Variants in APPL2 observed in about 807,000 individuals in gnomAD.
APPL2 encodes adaptor protein, phosphotyrosine interacting with PH domain and leucine zipper 2.
In APPL2, 84 loss-of-function variants were observed where a neutral mutation model predicts 92.7. The ratio of observed to expected loss-of-function variants is 0.91; its 90% CI spans 0.76 to 1.09. The LOEUF (loss-of-function observed/expected upper bound fraction) is 1.09. Among genes scored for constraint, APPL2 ranks in the 50% least tolerant of loss-of-function variants. APPL2 has a pLI of 0.00. For synonymous variants in APPL2, 291 were observed against 291.0 expected (o/e 1.00, Z 0.00); for missense variants, 736 against 824.5 (o/e 0.89, Z 1.31).
chr12:105,188,401 CA>C lies in APPL2; in HGVS notation c.1505del (p.Met502ArgfsTer11), dbSNP rs1455169774. 3 of 1,614,024 alleles carry C rather than the reference CA, an allele frequency of 1.9e-6. No homozygotes were observed. The African/African-American group carries it at 4.0e-5, about 22-fold the overall frequency. ...QMFIVRFLGS[M>X]AVKTDSTTEV... ...CAGTAGTGCTGTCTGTTTTAACTGC[CA>C]TTGATCCCAAAAACCGAACTATAAA... is the stretch of plus-strand genomic sequence containing the variant. On this transcript the variant is annotated frameshift_variant, in exon 17 of 21. Coordinates refer to ENST00000258530, the MANE Select transcript of APPL2 (RefSeq NM_018171.5). LOFTEE classifies it high-confidence loss of function.
At chr12:105,235,273 CCA>C (rs1028997551) in intron 1 of APPL2, 6 of 152,192 alleles carry the variant, frequency 3.9e-5, no homozygotes, top group African/African-American at 1.2e-4. Flanking sequence ...TATTTACACA[CCA>C]GTTTTCATCT....
chr12:105,225,940 C>T (rs909945247), intron 2 of APPL2, among the ~76,000 whole-genome samples: 6 of 151,742 alleles, frequency 4.0e-5, no homozygotes, highest in African/African-American at 1.5e-4. Flanking sequence ...GAACACTTAT[C>T]ATTTATCAGC....
Position 105,176,915 on chromosome 12 carries a change from C to G in APPL2, c.1773G>C (p.Leu591=). Residue 591 remains leucine (L), a synonymous_variant, in exon 19 of 21, where the codon CTG becomes CTC. Coordinates refer to ENST00000258530, the MANE Select transcript of APPL2 (RefSeq NM_018171.5). ...AGTTGCTTTCAAAAATGTATGTACT[C>G]AGAGATTCTTCTCCAGTGGATTCAG... ...RVPESTGEES[L]STYIFESNSE... 1 of 1,614,080 alleles carries G rather than the reference C, an allele frequency of 6.2e-7. No individual in the cohort carries two copies. Among genetic ancestry groups the G allele is most frequent in the South Asian group, 1.1e-5 (1 of 91,074 alleles).
At chr12:105,225,154 A>T (rs910234992) in intron 2 of APPL2, among the ~76,000 whole-genome samples, 1 of 93,220 alleles carries the variant, frequency 1.1e-5, no homozygotes, top group Non-Finnish European at 2.4e-5. Flanking sequence ...AAATTTACTT[A>T]AAAAAAAAAA....
intron 1 of APPL2, among the ~76,000 whole-genome samples, chr12:105,233,969 A>G (rs1302726777): frequency 6.6e-6 from 1 of 152,192 alleles, no homozygotes; most frequent in Non-Finnish European, 1.5e-5. Flanking sequence ...TTCCAAGTCT[A>G]GGAGTCACCT....
intron 9 of APPL2, among the ~76,000 whole-genome samples, chr12:105,200,032 C>T (rs1172635336): frequency 6.7e-6 from 1 of 149,462 alleles, no homozygotes; most frequent in Non-Finnish European, 1.5e-5. Flanking sequence ...GACGGGGTTT[C>T]ACCGTGTTCG....
intron 10 of APPL2, among the ~76,000 whole-genome samples, chr12:105,198,322 A>G (rs879515221): frequency 6.6e-6 from 1 of 152,238 alleles, no homozygotes; most frequent in Admixed American, 6.5e-5. Context: ...GAATCTAGTC[A>G]GGGTTGCCTT....
At chr12:105,223,980 A>G (rs1387225580) in intron 2 of APPL2, among the ~76,000 whole-genome samples, 1 of 152,176 alleles carries the variant, frequency 6.6e-6, no homozygotes, top group African/African-American at 2.4e-5. Flanking sequence ...CGGCTGAGCC[A>G]AGACTGGAAC....
In APPL2 at chr12:105,189,932, C is replaced by T. The variant is rs143474178; in HGVS notation, c.1406+59G>A. ...AACAGTCTTTGGTGGTGGAGGGGGA[C>T]ACAAGATACCTCAAATTTACTTTCA... On this transcript the variant is annotated intron_variant, in intron 15 of 20. Coordinates refer to ENST00000258530, the MANE Select transcript of APPL2 (RefSeq NM_018171.5). 4,213 of 1,611,116 alleles carry T rather than the reference C, an allele frequency of 2.6e-3. 7 individuals are homozygous for T. Among genetic ancestry groups the T allele is most frequent in the Non-Finnish European group, 3.4e-3 (3,980 of 1,177,732 alleles).
chr12:105,176,447 C>CTAAGTAGCAGATAGA, intron 19 of APPL2: 1 of 451,158 alleles, frequency 2.2e-6, no homozygotes, highest in Middle Eastern at 5.5e-4. Flanking sequence ...GTGATAAATT[C>CTAAGTAGCAGATAGA]TAAGTAGCAG....
At chr12:105,182,776 T>C (rs1165255352) in intron 17 of APPL2, among the ~76,000 whole-genome samples, 3 of 152,238 alleles carry the variant, frequency 2.0e-5, no homozygotes, top group African/African-American at 7.2e-5. Flanking sequence ...TTAGTTCCAC[T>C]TGGTCCAGAG....
At chr12:105,232,514 C>CTAGTGAA (rs1363440536) in intron 1 of APPL2, among the ~76,000 whole-genome samples, 1 of 152,040 alleles carries the variant, frequency 6.6e-6, no homozygotes, top group African/African-American at 2.4e-5. Context: ...TGAAAAGAAC[C>CTAGTGAA]AAGACTTTGG....
At chr12:105,182,851 G>T (rs946138577) in intron 17 of APPL2, among the ~76,000 whole-genome samples, 4 of 152,142 alleles carry the variant, frequency 2.6e-5, no homozygotes, top group African/African-American at 9.7e-5. Context: ...TGACAGTGGG[G>T]TGCTAAAGTC....
chr12:105,206,928 T>A (rs1888748806), intron 8 of APPL2, 133 bp downstream of exon 8: 2 of 1,199,418 alleles, frequency 1.7e-6, no homozygotes, highest in African/African-American at 1.5e-5. Context: ...AAGTGCTGAA[T>A]CCCACAAAGT....
intron 2 of APPL2, among the ~76,000 whole-genome samples, chr12:105,224,382 G>A (rs1282148000): frequency 6.6e-6 from 1 of 152,194 alleles, no homozygotes; most frequent in Non-Finnish European, 1.5e-5. Context: ...AAAGCTGTGG[G>A]CTGATAAACA....
At chr12:105,181,631 A>G (rs536230533) in intron 17 of APPL2, among the ~76,000 whole-genome samples, 1 of 152,268 alleles carries the variant, frequency 6.6e-6, no homozygotes, top group South Asian at 2.1e-4. Context: ...TATTGCCTCA[A>G]TTTCAGAACT....
chr12:105,179,310 A>G (rs925847547), intron 17 of APPL2, among the ~76,000 whole-genome samples: 1 of 152,346 alleles, frequency 6.6e-6, no homozygotes, highest in South Asian at 2.1e-4. Context: ...TGCAAAGGAC[A>G]TGAAGTCATT....
chr12:105,225,940 C>A (rs909945247), intron 2 of APPL2, among the ~76,000 whole-genome samples: 2 of 151,742 alleles, frequency 1.3e-5, no homozygotes, highest in African/African-American at 4.9e-5. Context: ...GAACACTTAT[C>A]ATTTATCAGC....
At chr12:105,217,532 G>T in intron 3 of APPL2, 134 bp downstream of exon 3, 1 of 804,664 alleles carries the variant, frequency 1.2e-6, no homozygotes, top group Non-Finnish European at 1.9e-6. Context: ...ATCAGTGGAA[G>T]GGAAAAGACA....
Sources: gnomAD v4.1 joint callset for allele counts (sites outside exome capture counted in the v4.1 genomes callset) on GRCh38, gnomAD v4.1.1 for gene constraint, MANE v1.5 for transcripts, NCBI Gene and HGNC (gene_info 2026-07-23, HGNC 2026-07-21) for gene names.